The following DRD2 variants were observed in gnomAD, a reference collection of about 807,000 sequenced individuals.
The protein encoded by DRD2 is dopamine receptor D2, also known as D(2) dopamine receptor.
DRD2 carries 8 observed loss-of-function variants against 38.0 expected under a neutral mutation model. That is an observed-to-expected ratio of 0.21 (90% CI 0.12 to 0.38). The LOEUF is 0.38. Among genes scored for constraint, DRD2 ranks in the 10% least tolerant of loss-of-function variants. The pLI, the probability that DRD2 is intolerant of heterozygous loss-of-function variation, is 1.00. For synonymous variants in DRD2, 230 were observed against 238.6 expected, an observed-to-expected ratio of 0.96 and a Z score of 0.33; for missense variants, 403 against 607.7, an observed-to-expected ratio of 0.66 and a Z score of 3.54.
chr11:113,448,395 G>T (rs1040588962), intron 1 of DRD2, among the ~76,000 whole-genome samples: 1 of 152,148 alleles, frequency 6.6e-6, no homozygotes, highest in South Asian at 2.1e-4. Flanking sequence ...AAGCTCCGGG[G>T]GAACTCCCTG....
Position 113,410,934 on chromosome 11 carries a change from C to G in DRD2, c.1139-14G>C, listed in dbSNP as rs761864238. ...TGATGAACACGCCTGGGGGAGAGGG[C>G]ATGGTCAGGCTGGTCCCCAGAGCCG... On this transcript the variant is annotated splice_polypyrimidine_tract_variant and intron_variant, in intron 7 of 7. Coordinates refer to ENST00000362072, the MANE Select transcript of DRD2 (RefSeq NM_000795.4). 4.4e-6 allele frequency: 7 copies of G among 1,603,452 alleles called. No individual in the cohort carries two copies. The Admixed American group carries it at 1.2e-4, about 27-fold the overall frequency.
chr11:113,474,534 G>A (rs1014598248), intron 1 of DRD2: 1 of 152,334 alleles, frequency 6.6e-6, no homozygotes, highest in African/African-American at 2.4e-5. Context: ...GTGGGAGCGG[G>A]AGAATCCAGC....
intron 1 of DRD2, among the ~76,000 whole-genome samples, chr11:113,472,556 C>A (rs940504143): frequency 1.3e-5 from 2 of 152,204 alleles, no homozygotes; most frequent in African/African-American, 4.8e-5. Flanking sequence ...AACTAGCCCA[C>A]AAGCATCATT....
At chr11:113,433,509 G>A (rs925423566) in intron 1 of DRD2, among the ~76,000 whole-genome samples, 2 of 152,142 alleles carry the variant, frequency 1.3e-5, no homozygotes, top group Admixed American at 1.3e-4. Flanking sequence ...GACAGGGGGA[G>A]GCCACACACT....
chr11:113,465,534 T>C (rs1022257068), intron 1 of DRD2, among the ~76,000 whole-genome samples: 3 of 152,166 alleles, frequency 2.0e-5, no homozygotes, highest in African/African-American at 7.2e-5. Context: ...TGGAATCCAG[T>C]CTCCTACATA....
intron 1 of DRD2, among the ~76,000 whole-genome samples, chr11:113,461,479 C>A (rs1476506756): frequency 6.6e-6 from 1 of 152,208 alleles, no homozygotes; most frequent in Non-Finnish European, 1.5e-5. Context: ...TGGAAACACA[C>A]CCTGGGCACA....
chr11:113,433,250 GT>G (rs1210828246), intron 1 of DRD2, among the ~76,000 whole-genome samples: 1 of 152,214 alleles, frequency 6.6e-6, no homozygotes, highest in Non-Finnish European at 1.5e-5. Context: ...GGGGAGTGGG[GT>G]GTGAGGCTGT....
chr11:113,412,706 G>T lies in DRD2; in HGVS notation c.988C>A (p.His330Asn). Residue 330 changes from histidine to asparagine, a missense_variant, in exon 7 of 8, where the codon CAT becomes AAT. Physicochemically the swap from His to Asn is moderately conservative, Grantham distance 68 (BLOSUM62 1). Around this residue, in one of 4 missense-constraint regions of DRD2, gnomAD observed 166 missense variants for 178.6 expected, o/e 0.93. Coordinates refer to ENST00000362072, the MANE Select transcript of DRD2 (RefSeq NM_000795.4). ...GCAATCTTGGGGTGGTCTTTGGCAT[G>T]CCCATTCTTCTCTGGTTTGGCGGGG... is the stretch of plus-strand genomic sequence containing the variant. ...DSPAKPEKNGHAKDHPKIAKI... is the reference protein window; with the variant it reads ...DSPAKPEKNGNAKDHPKIAKI... 1 of 1,614,228 alleles carries T rather than the reference G, an allele frequency of 6.2e-7. No individual in the cohort carries two copies. The highest frequency in any genetic ancestry group is 8.5e-7 in the Non-Finnish European group (1 of 1,180,044).
intron 1 of DRD2, among the ~76,000 whole-genome samples, chr11:113,469,254 A>T (rs1225029036): frequency 1.3e-5 from 2 of 152,062 alleles, no homozygotes; most frequent in Non-Finnish European, 2.9e-5. Context: ...ATCCAAAGGG[A>T]CCCAGATCCA....
intron 1 of DRD2, among the ~76,000 whole-genome samples, chr11:113,438,323 C>T (rs1951057640): frequency 6.6e-6 from 1 of 152,100 alleles, no homozygotes; most frequent in African/African-American, 2.4e-5. Context: ...CAATAACATC[C>T]TCCTCATGGG....
chr11:113,442,205 A>G (rs1327209545), intron 1 of DRD2, among the ~76,000 whole-genome samples: 1 of 152,164 alleles, frequency 6.6e-6, no homozygotes, highest in East Asian at 1.9e-4. Flanking sequence ...CCCTCCCTCC[A>G]GTCATTATGT....
chr11:113,474,675 CG>C (rs1469262778), intron 1 of DRD2, among the ~76,000 whole-genome samples: 4 of 152,020 alleles, frequency 2.6e-5, no homozygotes, highest in Admixed American at 2.0e-4. Context: ...CCGCGAGCCC[CG>C]GGTCTCGCGC....
rs946385899 is a variant in DRD2 at position 113,410,310 on chromosome 11, C to T, written c.*417G>A. 18 of 371,004 alleles carry T rather than the reference C, an allele frequency of 4.9e-5. No individual in the cohort carries two copies. Among genetic ancestry groups the T allele is most frequent in the Non-Finnish European group, 9.2e-5 (18 of 195,268 alleles). The allele number at this position is 371,004 out of a possible 1,614,324, so 23.0% of individuals were successfully genotyped here. A position where few individuals can be genotyped will look rare whatever the true frequency, so the allele number is the denominator to read the frequency against. ...GTGGGCCTTGCAGGGTGTGAACTGT[C>T]CATCTCTCCCCACCGCCTGCTCCAC... On this transcript the variant is annotated 3_prime_UTR_variant, in exon 8 of 8. Transcript: ENST00000362072.
At chr11:113,452,455 TGTGTGTGTGTGTGTGCGCGCGCGC>T (rs1439440516) in intron 1 of DRD2, among the ~76,000 whole-genome samples, 21 of 99,156 alleles carry the variant, frequency 2.1e-4, no homozygotes, top group South Asian at 7.2e-4. Flanking sequence ...TGTGTGTGTG[TGTGTGTGTGTGTGTGCGCGCGCGC>T]GCGCGCGCAC....
chr11:113,458,464 G>A (rs958358970), intron 1 of DRD2, among the ~76,000 whole-genome samples: 5 of 152,132 alleles, frequency 3.3e-5, no homozygotes, highest in African/African-American at 1.2e-4. Flanking sequence ...GTTTCTGTTG[G>A]AGAGGCCACA....
chr11:113,474,309 G>T (rs1156709266), intron 1 of DRD2: 1 of 152,144 alleles, frequency 6.6e-6, no homozygotes, highest in Non-Finnish European at 1.5e-5. Context: ...GTGCTTAGAG[G>T]TGTCTCTTGT....
At chr11:113,414,141 T>C in intron 6 of DRD2, 1 of 587,096 alleles carries the variant, frequency 1.7e-6, no homozygotes, top group Non-Finnish European at 3.1e-6. Flanking sequence ...TCATTTTTAT[T>C]ACGTTGGTAT....
chr11:113,443,574 C>T (rs1951112885), intron 1 of DRD2, among the ~76,000 whole-genome samples: 1 of 152,210 alleles, frequency 6.6e-6, no homozygotes. Flanking sequence ...CACCGCACAC[C>T]ATATGTTCCC....
At chr11:113,438,918 G>T (rs536889434) in intron 1 of DRD2, among the ~76,000 whole-genome samples, 2 of 152,314 alleles carry the variant, frequency 1.3e-5, no homozygotes, top group East Asian at 3.9e-4. Context: ...GGAAAATCCA[G>T]TTCCCTTGGA....
Sources: allele counts gnomAD v4.1 joint callset (sites outside exome capture counted in the v4.1 genomes callset), GRCh38; gene constraint gnomAD v4.1.1; regional missense constraint gnomAD v4.1.1; transcripts MANE v1.5; gene names NCBI Gene and HGNC (gene_info 2026-07-23, HGNC 2026-07-21).